TCF3: variants seen among roughly 807,000 people sequenced by gnomAD.
TCF3 encodes the protein transcription factor E2-alpha.
Under a neutral mutation model 72.3 loss-of-function variants are expected in TCF3, and 54 were observed. The ratio of observed to expected loss-of-function variants is 0.75; its 90% confidence interval spans 0.60 to 0.94. The LOEUF is 0.94. Among genes scored for constraint, TCF3 ranks in the 40% least tolerant of loss-of-function variants. TCF3 has a pLI of 0.00. For missense variants in TCF3, 1,078 were observed against 934.4 expected (o/e 1.15, Z -2.00); for synonymous variants, 525 against 412.6 (o/e 1.27, Z -3.30).
Position 1,619,298 on chromosome 19 carries a change from C to T in TCF3, c.1326+18G>A. On this transcript the variant is annotated intron_variant, in intron 15 of 18. Transcript: ENST00000262965. ...GGTCCCCGCCCACTGCCCAGCTCCA[C>T]CCTCGCCCAGCGCTCACCAGGCCTG... 1 of 1,568,384 alleles carries T rather than the reference C, an allele frequency of 6.4e-7. No individual in the cohort carries two copies. The highest frequency in any genetic ancestry group is 1.1e-5 in the South Asian group (1 of 87,204).
At chr19:1,626,928 G>A (rs993910411) in intron 6 of TCF3, among the ~76,000 whole-genome samples, 8 of 152,044 alleles carry the variant, frequency 5.3e-5, no homozygotes, top group Admixed American at 1.3e-4. Flanking sequence ...GCCCAGCACC[G>A]GAGGCTGCAT....
At chr19:1,629,710 C>T (rs2063465147) in intron 5 of TCF3, among the ~76,000 whole-genome samples, 1 of 152,164 alleles carries the variant, frequency 6.6e-6, no homozygotes, top group South Asian at 2.1e-4. Flanking sequence ...TGACACTGGG[C>T]ACGGAATGTG....
intron 18 of TCF3, chr19:1,612,470 C>A: frequency 6.3e-7 from 1 of 1,577,446 alleles, no homozygotes; most frequent in Non-Finnish European, 8.7e-7. Context: ...TAGTGATGCG[C>A]CAAGGCTGGG....
chr19:1,630,938 T>C (rs2063638480), intron 5 of TCF3, among the ~76,000 whole-genome samples: 1 of 152,202 alleles, frequency 6.6e-6, no homozygotes, highest in Non-Finnish European at 1.5e-5. Flanking sequence ...CGGGACACTG[T>C]CCCAGTCGCA....
chr19:1,648,499 C>G (rs1024519557), intron 2 of TCF3, among the ~76,000 whole-genome samples: 19 of 152,306 alleles, frequency 1.2e-4, no homozygotes, highest in South Asian at 4.1e-4. Context: ...CCCCCTCCCC[C>G]CAAACGCTGG....
rs1308097328 is a variant in TCF3, at chr19:1,610,414, G to T, written c.*1293C>A. Reference sequence around the variant, plus strand: ...CACGATGGCCCTCTGGTGTAATGGGGACATGGTGGGGTGGGGTGGGGGGTG... The same window carrying T: ...CACGATGGCCCTCTGGTGTAATGGGTACATGGTGGGGTGGGGTGGGGGGTG... On this transcript the variant is annotated 3_prime_UTR_variant, in exon 19 of 19. Coordinates refer to ENST00000262965, the MANE Select transcript of TCF3 (RefSeq NM_003200.5). 3.5e-5 allele frequency: 8 copies of T among 230,274 alleles called. No homozygotes were observed. In the East Asian group the frequency reaches 4.9e-4, roughly 14 times the overall value. The allele number at this position is 230,274 out of a possible 1,614,324, so 14.3% of individuals were successfully genotyped here.
intron 5 of TCF3, 85 bp downstream of exon 5, chr19:1,631,953 G>T: frequency 6.4e-7 from 1 of 1,555,478 alleles, no homozygotes; most frequent in Non-Finnish European, 8.7e-7. Flanking sequence ...GGACTTGCCT[G>T]GCGCTGTGCG....
chr19:1,624,138 C>G, intron 7 of TCF3, 138 bp from the exon 8 acceptor site: 2 of 767,860 alleles, frequency 2.6e-6, no homozygotes, highest in African/African-American at 1.7e-5. Flanking sequence ...TGCCTCATGC[C>G]TGTAATACCA....
intron 8 of TCF3, among the ~76,000 whole-genome samples, chr19:1,622,706 C>G (rs924278988): frequency 2.0e-5 from 3 of 152,086 alleles, no homozygotes; most frequent in Admixed American, 1.3e-4. Context: ...AAACCTTTTT[C>G]CTCCTTAATC....
chr19:1,650,242 G>A lies in TCF3; in HGVS notation c.7C>T (p.Gln3Ter). 6.4e-7 allele frequency: 1 copy of A among 1,564,676 alleles called. No homozygotes were observed. Among genetic ancestry groups the A allele is most frequent in the Non-Finnish European group, 8.7e-7 (1 of 1,155,630 alleles). MN[Q>*]PQRMAPVGTD... The stretch of plus-strand genomic sequence containing the variant: ...CCCACAGGCGCCATCCTCTGCGGCT[G>A]GTTCATTCTCCTGGGGCCAGGGCGG... The change falls in exon 2 of 19, where the codon CAG becomes TAG. Residue 3 changes from glutamine (Q) to a stop codon, truncating the protein, a stop_gained. Transcript: ENST00000262965. LOFTEE classifies it high-confidence loss of function.
intron 16 of TCF3, 41 bp downstream of exon 16, chr19:1,619,070 C>T (rs369030945): frequency 5.0e-6 from 8 of 1,598,478 alleles, no homozygotes; most frequent in Admixed American, 3.3e-5. Flanking sequence ...GTTTCCCCAA[C>T]TGGAACCAGG....
chr19:1,622,867 G>A (rs1599631815), intron 8 of TCF3, among the ~76,000 whole-genome samples: 2 of 152,278 alleles, frequency 1.3e-5, no homozygotes, highest in East Asian at 3.9e-4. Flanking sequence ...CAGGAAGAGG[G>A]GTCTGTGAGT....
intron 3 of TCF3, among the ~76,000 whole-genome samples, chr19:1,645,266 A>G (rs927276746): frequency 2.0e-5 from 3 of 151,880 alleles, no homozygotes; most frequent in African/African-American, 7.3e-5. Flanking sequence ...AGAGGCCCCA[A>G]CCCGAGGCCC....
chr19:1,631,067 G>A (rs376830081), intron 5 of TCF3, among the ~76,000 whole-genome samples: 4 of 152,320 alleles, frequency 2.6e-5, no homozygotes, highest in African/African-American at 9.6e-5. Flanking sequence ...CCTGCAGCGG[G>A]GCTGGAATAT....
intron 2 of TCF3, among the ~76,000 whole-genome samples, chr19:1,648,154 G>A (rs1384300781): frequency 3.3e-5 from 5 of 152,200 alleles, no homozygotes; most frequent in South Asian, 2.1e-4. Context: ...GTTCTCCCTC[G>A]TATTTATTTG....
At position 1,632,323 on chromosome 19, in the gene TCF3, G is replaced by T; in HGVS notation, c.219+9C>A. Reference sequence around the variant, plus strand: ...AACTCAGGGTCTCAGGCCTCACGGGGACTCCTACCCGGCTGGGGTCAAAGG... The same window carrying T: ...AACTCAGGGTCTCAGGCCTCACGGGTACTCCTACCCGGCTGGGGTCAAAGG... On this transcript the variant is annotated intron_variant, in intron 4 of 18. Coordinates refer to ENST00000262965, the MANE Select transcript of TCF3 (RefSeq NM_003200.5). The T allele has an allele frequency of 6.3e-7, 1 of 1,579,492 alleles. No homozygotes were observed. The highest frequency in any genetic ancestry group is 1.2e-5 in the South Asian group (1 of 86,154).
chr19:1,618,966 G>C, intron 16 of TCF3, 145 bp downstream of exon 16: 1 of 1,363,768 alleles, frequency 7.3e-7, no homozygotes. Flanking sequence ...CCACCCTCCT[G>C]AAGTTGCTGA....
chr19:1,626,367 T>C (rs547883672), intron 6 of TCF3, among the ~76,000 whole-genome samples: 1 of 152,156 alleles, frequency 6.6e-6, no homozygotes, highest in Non-Finnish European at 1.5e-5. Context: ...GGAGAATCGC[T>C]TGAACCCAGG....
Position 1,646,216 on chromosome 19 carries a change from T to C in TCF3, c.145+139A>G, listed in dbSNP as rs1600130307. ...TGATTTCAGGGGTCTTCAGGCTCGC[T>C]GCCCCCGACCCGGCCTGTGTGGCCC... On this transcript the variant is annotated intron_variant, in intron 3 of 18. Coordinates refer to ENST00000262965, the MANE Select transcript of TCF3 (RefSeq NM_003200.5). 5.4e-6 allele frequency: 5 copies of C among 932,032 alleles called. No homozygotes were observed. In the East Asian group the frequency reaches 1.4e-4, roughly 27 times the overall value. 57.7% of individuals were successfully genotyped at this position (932,032 alleles called of 1,614,324 possible). A position where few individuals can be genotyped will look rare whatever the true frequency, so the allele number is the denominator to read the frequency against.
Sources: gnomAD v4.1 joint callset for allele counts (sites outside exome capture counted in the v4.1 genomes callset) on GRCh38, gnomAD v4.1.1 for gene constraint, MANE v1.5 for transcripts, NCBI Gene and HGNC (gene_info 2026-07-23, HGNC 2026-07-21) for gene names.